Variants in ALK observed in about 807,000 individuals in gnomAD.
ALK encodes the protein ALK tyrosine kinase receptor.
ALK carries 74 observed loss-of-function variants against 163.1 expected under a neutral mutation model. That is an observed-to-expected ratio of 0.45 (90% CI 0.38 to 0.55). The LOEUF is 0.55. Ranked by LOEUF, ALK falls within the 20% of genes least tolerant of loss-of-function variation. The pLI is 0.00. For missense variants in ALK, 2,063 were observed against 2,105.3 expected (o/e 0.98, Z 0.39); for synonymous variants, 960 against 843.2 (o/e 1.14, Z -2.40).
intron 5 of ALK, among the ~76,000 whole-genome samples, chr2:29,360,452 G>A (rs545531085): frequency 3.5e-4 from 54 of 152,316 alleles, no homozygotes; most frequent in African/African-American, 1.3e-3. Flanking sequence ...TGCAGAGATA[G>A]CACATTGCCC....
At chr2:29,305,759 T>A (rs935906398) in intron 8 of ALK, among the ~76,000 whole-genome samples, 1 of 152,208 alleles carries the variant, frequency 6.6e-6, no homozygotes, top group Admixed American at 6.5e-5. Flanking sequence ...AAGACAACTT[T>A]TCCACAGACC....
intron 3 of ALK, among the ~76,000 whole-genome samples, chr2:29,600,762 G>A (rs939702549): frequency 2.0e-5 from 3 of 152,188 alleles, no homozygotes; most frequent in South Asian, 2.1e-4. Flanking sequence ...CTGGGGACAC[G>A]TTAAGAGTTG....
At chr2:29,359,859 G>C (rs1392362705) in intron 5 of ALK, among the ~76,000 whole-genome samples, 2 of 152,184 alleles carry the variant, frequency 1.3e-5, no homozygotes, top group African/African-American at 4.8e-5. Context: ...CCCTTTGGTG[G>C]TGCCTAAGAC....
intron 4 of ALK, among the ~76,000 whole-genome samples, chr2:29,405,297 G>A (rs1669557116): frequency 6.6e-6 from 1 of 152,144 alleles, no homozygotes; most frequent in Non-Finnish European, 1.5e-5. Flanking sequence ...AAACTCTGAT[G>A]AGCAGGTTTT....
At chr2:29,294,012 G>C (rs1666112134) in intron 9 of ALK, among the ~76,000 whole-genome samples, 1 of 152,168 alleles carries the variant, frequency 6.6e-6, no homozygotes, top group African/African-American at 2.4e-5. Context: ...TTCAGGGTTG[G>C]GGAGCTGTCC....
intron 1 of ALK, among the ~76,000 whole-genome samples, chr2:29,889,739 GA>G (rs1667094876): frequency 1.5e-4 from 16 of 108,958 alleles, no homozygotes; most frequent in African/African-American, 4.6e-4. Context: ...GAGAGAGAGA[GA>G]GAGAGAGAGA....
intron 1 of ALK, among the ~76,000 whole-genome samples, chr2:29,727,120 T>C (rs562594531): frequency 2.0e-5 from 3 of 152,312 alleles, no homozygotes; most frequent in African/African-American, 7.2e-5. Context: ...ACACCTTCCA[T>C]CAGGGCAGCT....
chr2:29,533,921 C>T (rs1673183051), intron 3 of ALK, among the ~76,000 whole-genome samples: 1 of 152,028 alleles, frequency 6.6e-6, no homozygotes, highest in East Asian at 1.9e-4. Context: ...AGAGGAAGAC[C>T]CTTGAGCCAG....
In ALK at chr2:29,709,061, C is replaced by T. The variant is rs113463205; in HGVS notation, c.787+8517G>A. ...TTTTCCTGAACATGTTTTGGACACA[C>T]GTCTTTCTAGGTTGGTTAGAAGTGC... is the stretch of plus-strand genomic sequence containing the variant. On this transcript the variant is annotated intron_variant, in intron 2 of 28. Transcript: ENST00000389048. Among the ~76,000 whole-genome samples the T allele has an allele frequency of 5.5e-3, 839 of 152,244 alleles. 4 individuals carry two copies. Among genetic ancestry groups the T allele is most frequent in the Middle Eastern group, 0.034 (10 of 294 alleles).
chr2:29,748,724 T>C (rs1680274375), intron 1 of ALK, among the ~76,000 whole-genome samples: 1 of 152,052 alleles, frequency 6.6e-6, no homozygotes, highest in African/African-American at 2.4e-5. Flanking sequence ...GCTTAGTCGA[T>C]GGTACTTTAA....
In ALK at chr2:29,314,068, C is replaced by T. The variant is rs183834016; in HGVS notation, c.1647+4236G>A. On this transcript the variant is annotated intron_variant, in intron 8 of 28. Coordinates refer to ENST00000389048, the MANE Select transcript of ALK (RefSeq NM_004304.5). The stretch of plus-strand genomic sequence containing the variant: ...CTGCCTCTCGGCTTCCCTGCTTCTG[C>T]GTCACACTGAGAGGCTGGAGGGAAG... Among the ~76,000 whole-genome samples the T allele has an allele frequency of 2.2e-3, 332 of 152,256 alleles. 1 individual carries two copies. Among genetic ancestry groups the T allele is most frequent in the African/African-American group, 6.9e-3 (287 of 41,520 alleles).
chr2:29,582,928 T>C (rs1255736910), intron 3 of ALK, among the ~76,000 whole-genome samples: 3 of 150,242 alleles, frequency 2.0e-5, no homozygotes, highest in Admixed American at 6.6e-5. Flanking sequence ...GGTAGTATGA[T>C]CTCAGCTCAC....
At chr2:29,690,793 C>T (rs534590247) in intron 3 of ALK, among the ~76,000 whole-genome samples, 301 of 152,304 alleles carry the variant, frequency 2.0e-3, no homozygotes, top group African/African-American at 7.0e-3. Flanking sequence ...CATCTTGCTG[C>T]CTTTTTCTGG....
At chr2:29,471,405 C>T (rs1056965072) in intron 4 of ALK, among the ~76,000 whole-genome samples, 5 of 152,184 alleles carry the variant, frequency 3.3e-5, no homozygotes, top group Middle Eastern at 3.4e-3. Flanking sequence ...ATTAACAGAT[C>T]GGTATGAATT....
intron 4 of ALK, among the ~76,000 whole-genome samples, chr2:29,525,128 C>T (rs1672923282): frequency 6.6e-6 from 1 of 152,174 alleles, no homozygotes; most frequent in Admixed American, 6.5e-5. Flanking sequence ...AGTATATCCA[C>T]CTGTGGAGAC....
intron 4 of ALK, among the ~76,000 whole-genome samples, chr2:29,403,176 T>C (rs992058047): frequency 5.9e-5 from 9 of 152,128 alleles, no homozygotes; most frequent in African/African-American, 2.2e-4. Flanking sequence ...GCTGAACAAA[T>C]GTTAAATTCT....
At chr2:29,308,463 G>C (rs930006057) in intron 8 of ALK, among the ~76,000 whole-genome samples, 2 of 152,168 alleles carry the variant, frequency 1.3e-5, no homozygotes, top group African/African-American at 4.8e-5. Flanking sequence ...TCTGATGTTG[G>C]AAAACAGTAA....
chr2:29,387,603 TTAAAAGTTCCC>T (rs1179759137), intron 4 of ALK, among the ~76,000 whole-genome samples: 4 of 152,220 alleles, frequency 2.6e-5, no homozygotes, highest in Non-Finnish European at 4.4e-5. Context: ...AGGCATTGAA[TTAAAAGTTCCC>T]TAAGGGCCCT....
chr2:29,819,429 G>C (rs1017972219), intron 1 of ALK, among the ~76,000 whole-genome samples: 2 of 152,200 alleles, frequency 1.3e-5, no homozygotes, highest in Admixed American at 6.5e-5. Flanking sequence ...CAGGATTCTT[G>C]TGTGAAGCAG....
Sources: allele counts gnomAD v4.1 joint callset (sites outside exome capture counted in the v4.1 genomes callset), GRCh38; gene constraint gnomAD v4.1.1; transcripts MANE v1.5; gene names NCBI Gene and HGNC (gene_info 2026-07-23, HGNC 2026-07-21).